LRRC7: variants seen among roughly 807,000 people sequenced by gnomAD.
LRRC7 encodes leucine-rich repeat-containing protein 7.
Under a neutral mutation model 175.7 loss-of-function variants are expected in LRRC7, and 23 were observed. That is an observed-to-expected ratio of 0.13 (90% CI 0.09 to 0.19). LRRC7 has a LOEUF of 0.19. Among genes scored for constraint, LRRC7 ranks in the 10% least tolerant of loss-of-function variants. The pLI, the probability that LRRC7 is intolerant of heterozygous loss-of-function variation, is 1.00. For synonymous variants in LRRC7, 685 were observed against 680.9 expected (o/e 1.01, Z -0.09); for missense variants, 1,354 against 1,904.7 (o/e 0.71, Z 5.38).
chr1:69,622,246 A>G (rs1650731569), intron 1 of LRRC7, among the ~76,000 whole-genome samples: 1 of 152,226 alleles, frequency 6.6e-6, no homozygotes, highest in African/African-American at 2.4e-5. Flanking sequence ...ATGGCTTTCC[A>G]GATTATAATT....
chr1:69,585,358 C>A, intron 1 of LRRC7, among the ~76,000 whole-genome samples: 1 of 152,056 alleles, frequency 6.6e-6, no homozygotes, highest in East Asian at 1.9e-4. Flanking sequence ...AAAAGGGAAG[C>A]ATATACAATT....
intron 1 of LRRC7, among the ~76,000 whole-genome samples, chr1:69,603,940 ATTTT>A (rs1647195402): frequency 6.6e-6 from 1 of 152,026 alleles, no homozygotes; most frequent in African/African-American, 2.4e-5. Flanking sequence ...AGATAGTTCT[ATTTT>A]TCATTCCCAA....
intron 8 of LRRC7, among the ~76,000 whole-genome samples, chr1:69,961,503 A>G (rs547791892): frequency 2.0e-5 from 3 of 152,342 alleles, no homozygotes; most frequent in African/African-American, 7.2e-5. Flanking sequence ...TATGGAACAA[A>G]AAAAGAGCCC....
intron 2 of LRRC7, among the ~76,000 whole-genome samples, chr1:69,689,029 C>G (rs1661527149): frequency 1.3e-5 from 2 of 152,322 alleles, no homozygotes; most frequent in Admixed American, 1.3e-4. Flanking sequence ...ACTAATGTCA[C>G]AGTGACTTCC....
chr1:69,770,369 A>G (rs1216607005), intron 3 of LRRC7, among the ~76,000 whole-genome samples: 1 of 152,196 alleles, frequency 6.6e-6, no homozygotes, highest in Non-Finnish European at 1.5e-5. Context: ...TTTAAGTAAA[A>G]TTATTTGAAA....
intron 9 of LRRC7, among the ~76,000 whole-genome samples, chr1:69,983,089 C>T (rs554733728): frequency 1.9e-4 from 29 of 152,234 alleles, no homozygotes; most frequent in South Asian, 6.2e-4. Context: ...TTTCATTGCT[C>T]AATGGAAAAG....
intron 6 of LRRC7, among the ~76,000 whole-genome samples, chr1:69,836,805 G>T (rs1381234848): frequency 6.6e-6 from 1 of 150,820 alleles, no homozygotes; most frequent in East Asian, 2.0e-4. Context: ...ATGCCGTGAA[G>T]AACTGAATCA....
intron 24 of LRRC7, among the ~76,000 whole-genome samples, chr1:70,085,486 A>G (rs1007064863): frequency 3.9e-5 from 6 of 152,048 alleles, no homozygotes; most frequent in Admixed American, 3.9e-4. Flanking sequence ...AAACTGATCT[A>G]TGTTGTTTCT....
At chr1:69,836,947 T>C (rs1218819160) in intron 6 of LRRC7, among the ~76,000 whole-genome samples, 2 of 151,708 alleles carry the variant, frequency 1.3e-5, no homozygotes, top group East Asian at 3.9e-4. Flanking sequence ...GAGATGTAGA[T>C]GAAAAACTTC....
chr1:69,630,217 T>C (rs1652269126), intron 1 of LRRC7, among the ~76,000 whole-genome samples: 1 of 152,100 alleles, frequency 6.6e-6, no homozygotes, highest in Non-Finnish European at 1.5e-5. Context: ...CAACTTTGGA[T>C]GTCTTCCGTA....
In LRRC7 at chr1:70,130,127, G is replaced by A. The variant is rs1010207649; in HGVS notation, c.*8240G>A. ...TATTAATTTTTTCTTATGTTTTTTA[G>A]TATCTTTCCCATTCTGCCTGAGATC... On this transcript the variant is annotated 3_prime_UTR_variant, in exon 27 of 27. Transcript: ENST00000651989. 6.6e-6 allele frequency: 1 copy of A among 152,040 alleles called. No homozygotes were observed. The highest frequency in any genetic ancestry group is 6.6e-5 in the Admixed American group (1 of 15,264). The allele number at this position is 152,040 out of a possible 1,614,324, so 9.4% of individuals were successfully genotyped here.
At chr1:70,082,736 A>G (rs1663294381) in intron 24 of LRRC7, among the ~76,000 whole-genome samples, 1 of 138,570 alleles carries the variant, frequency 7.2e-6, no homozygotes, top group African/African-American at 2.6e-5. Flanking sequence ...AGACCTAGAA[A>G]GTGCTACATC....
intron 1 of LRRC7, among the ~76,000 whole-genome samples, chr1:69,666,693 G>A (rs1299921488): frequency 6.6e-6 from 1 of 151,418 alleles, no homozygotes; most frequent in East Asian, 1.9e-4. Context: ...TTATTTATTT[G>A]AGTCTTCTCC....
chr1:69,634,084 A>C (rs952850222), intron 1 of LRRC7, among the ~76,000 whole-genome samples: 37 of 152,248 alleles, frequency 2.4e-4, no homozygotes, highest in African/African-American at 8.7e-4. Flanking sequence ...TAAAAAATTA[A>C]CATTTTGAAA....
At chr1:69,623,549 CTTTTT>C (rs35199111) in intron 1 of LRRC7, among the ~76,000 whole-genome samples, 1 of 136,640 alleles carries the variant, frequency 7.3e-6, no homozygotes, top group Admixed American at 7.3e-5. Context: ...AAAAGACATA[CTTTTT>C]TTTTTTTTTT....
chr1:69,718,092 AAG>A (rs1369518416), intron 2 of LRRC7, among the ~76,000 whole-genome samples: 7 of 137,974 alleles, frequency 5.1e-5, no homozygotes, highest in African/African-American at 8.4e-5. Context: ...GAGAAAAAGA[AAG>A]AGAAGAAAGA....
intron 1 of LRRC7, among the ~76,000 whole-genome samples, chr1:69,581,609 G>A (rs1050788264): frequency 4.6e-5 from 7 of 152,200 alleles, no homozygotes; most frequent in African/African-American, 1.7e-4. Flanking sequence ...TATTGAAGAA[G>A]CATCAACTTG....
intron 2 of LRRC7, among the ~76,000 whole-genome samples, chr1:69,754,742 C>T (rs1354956328): frequency 6.6e-6 from 1 of 151,920 alleles, no homozygotes; most frequent in Admixed American, 6.6e-5. Context: ...CAATTATGTG[C>T]ATGTGACATA....
Position 69,805,529 on chromosome 1 carries a change from A to T in LRRC7, c.421+13369A>T, listed in dbSNP as rs868008673. On this transcript the variant is annotated intron_variant, in intron 4 of 26. Coordinates refer to ENST00000651989, the MANE Select transcript of LRRC7 (RefSeq NM_001370785.2). ...GTAAAGCTCATTATTTTATTCTATT[A>T]AATATCTCACTTTCAACACTGTTAA... Among the ~76,000 whole-genome samples the T allele has an allele frequency of 2.1e-4, 32 of 151,968 alleles. No individual in the cohort carries two copies. The Middle Eastern group carries it at 0.01, about 48-fold the overall frequency.
Sources: allele counts gnomAD v4.1 joint callset (sites outside exome capture counted in the v4.1 genomes callset), GRCh38; gene constraint gnomAD v4.1.1; transcripts MANE v1.5; gene names NCBI Gene and HGNC (gene_info 2026-07-23, HGNC 2026-07-21).